Variants in GABRB3 observed in about 807,000 individuals in gnomAD.
GABRB3 encodes gamma-aminobutyric acid type A receptor subunit beta3, also known as gamma-aminobutyric acid receptor subunit beta-3.
Under a neutral mutation model 52.1 loss-of-function variants are expected in GABRB3, and 14 were observed. The ratio of observed to expected loss-of-function variants is 0.27; its 90% confidence interval spans 0.18 to 0.42. The LOEUF is 0.42. Ranked by LOEUF, GABRB3 falls within the 10% of genes least tolerant of loss-of-function variation. The probability of loss-of-function intolerance (pLI) is 1.00; values close to 1 mark genes in which losing one functional copy is unlikely to be tolerated. For synonymous variants in GABRB3, 260 were observed against 232.3 expected, an observed-to-expected ratio of 1.12 and a Z score of -1.08; for missense variants, 307 against 609.1, an observed-to-expected ratio of 0.50 and a Z score of 5.22.
chr15:26,720,298 C>T (rs980840626), intron 3 of GABRB3, among the ~76,000 whole-genome samples: 2 of 152,184 alleles, frequency 1.3e-5, no homozygotes, highest in African/African-American at 4.8e-5. Context: ...ATTGCTCACA[C>T]AAAGCCTGTT....
At chr15:26,762,579 C>T (rs1890849789) in intron 3 of GABRB3, among the ~76,000 whole-genome samples, 1 of 152,148 alleles carries the variant, frequency 6.6e-6, no homozygotes, top group African/African-American at 2.4e-5. Flanking sequence ...TTCACCCCCT[C>T]ATGAAGATTT....
intron 4 of GABRB3, chr15:26,612,682 C>G (rs992914243): frequency 1.3e-5 from 2 of 152,120 alleles, no homozygotes; most frequent in Non-Finnish European, 2.9e-5. Context: ...TTTGCTCTTG[C>G]CAAAGTAGTG....
intron 3 of GABRB3, among the ~76,000 whole-genome samples, chr15:26,723,087 T>C (rs1889685148): frequency 6.6e-6 from 1 of 152,162 alleles, no homozygotes; most frequent in African/African-American, 2.4e-5. Flanking sequence ...AGTTCTGCAA[T>C]CATGGTAAGC....
At chr15:26,746,398 G>A (rs1054169087) in intron 3 of GABRB3, among the ~76,000 whole-genome samples, 7 of 151,934 alleles carry the variant, frequency 4.6e-5, no homozygotes, top group Admixed American at 1.3e-4. Flanking sequence ...CTAAGTGTAC[G>A]GAGTCTTTAG....
intron 3 of GABRB3, among the ~76,000 whole-genome samples, chr15:26,676,502 A>T (rs1474898617): frequency 6.6e-6 from 1 of 152,192 alleles, no homozygotes; most frequent in Non-Finnish European, 1.5e-5. Context: ...GTACACACAT[A>T]TACACACACA....
Position 26,716,471 on chromosome 15 carries a change from A to G in GABRB3, c.240+55931T>C, listed in dbSNP as rs138361116. On this transcript the variant is annotated intron_variant, in intron 3 of 8. Coordinates refer to ENST00000311550, the MANE Select transcript of GABRB3 (RefSeq NM_000814.6). ...TATTTCACCATGCAGCACCTAACCC[A>G]TCTTCACAATTGCCATGAAGAAACG... is the stretch of plus-strand genomic sequence containing the variant. 5.1e-5 allele frequency: 22 copies of G among 434,140 alleles called. No individual in the cohort carries two copies. In the East Asian group the frequency reaches 2.7e-3, roughly 52 times the overall value. 26.9% of individuals were successfully genotyped at this position (434,140 alleles called of 1,614,324 possible).
At chr15:26,683,048 T>C (rs1346991406) in intron 3 of GABRB3, among the ~76,000 whole-genome samples, 1 of 152,108 alleles carries the variant, frequency 6.6e-6, no homozygotes, top group African/African-American at 2.4e-5. Flanking sequence ...GGGCCTGCAC[T>C]TCTTCCTCTG....
chr15:26,631,889 T>A (rs1181547555), intron 3 of GABRB3, among the ~76,000 whole-genome samples: 1 of 152,200 alleles, frequency 6.6e-6, no homozygotes, highest in Non-Finnish European at 1.5e-5. Flanking sequence ...AAGCATTGAT[T>A]ATCTACCATA....
At chr15:26,684,298 G>C (rs1195574997) in intron 3 of GABRB3, among the ~76,000 whole-genome samples, 1 of 152,148 alleles carries the variant, frequency 6.6e-6, no homozygotes, top group African/African-American at 2.4e-5. Flanking sequence ...ACCTATTCCT[G>C]GACGCAGGGT....
intron 3 of GABRB3, among the ~76,000 whole-genome samples, chr15:26,739,717 G>A (rs2140158957): frequency 6.6e-6 from 1 of 152,146 alleles, no homozygotes; most frequent in East Asian, 1.9e-4. Flanking sequence ...TATATTTGGG[G>A]GGATATATGT....
At chr15:26,679,532 T>C (rs1402768569) in intron 3 of GABRB3, among the ~76,000 whole-genome samples, 1 of 152,060 alleles carries the variant, frequency 6.6e-6, no homozygotes, top group Non-Finnish European at 1.5e-5. Flanking sequence ...ACTTTCAAGG[T>C]CAGGTTGACC....
At chr15:26,745,015 G>A (rs1233417013) in intron 3 of GABRB3, among the ~76,000 whole-genome samples, 1 of 152,158 alleles carries the variant, frequency 6.6e-6, no homozygotes, top group Non-Finnish European at 1.5e-5. Context: ...TTTACTCATG[G>A]TGGATGGTGA....
chr15:26,691,331 T>C (rs991571635), intron 3 of GABRB3, among the ~76,000 whole-genome samples: 33 of 152,160 alleles, frequency 2.2e-4, no homozygotes, highest in African/African-American at 7.5e-4. Context: ...ACCATCAAGA[T>C]GCAAAGACGG....
chr15:26,761,787 G>T (rs1274452315), intron 3 of GABRB3, among the ~76,000 whole-genome samples: 1 of 152,020 alleles, frequency 6.6e-6, no homozygotes, highest in Non-Finnish European at 1.5e-5. Context: ...TATTGTTGAC[G>T]CCTCTTGCAC....
intron 3 of GABRB3, among the ~76,000 whole-genome samples, chr15:26,768,628 A>G (rs1891060426): frequency 1.3e-5 from 2 of 152,192 alleles, no homozygotes; most frequent in African/African-American, 2.4e-5. Flanking sequence ...TTCAGCAGAC[A>G]GTGTTATTGG....
intron 4 of GABRB3, among the ~76,000 whole-genome samples, chr15:26,592,849 C>G (rs533805042): frequency 4.5e-4 from 69 of 152,190 alleles, no homozygotes; most frequent in Admixed American, 8.5e-4. Flanking sequence ...CCCATCTCTA[C>G]TAAAAATACA....
chr15:26,567,969 T>A (rs1360483552), intron 6 of GABRB3, among the ~76,000 whole-genome samples: 3 of 152,238 alleles, frequency 2.0e-5, no homozygotes, highest in Non-Finnish European at 4.4e-5. Flanking sequence ...GGCTAAACGC[T>A]CGGTTGAGAA....
chr15:26,765,270 T>G lies in GABRB3; in HGVS notation c.240+7132A>C, dbSNP rs142072639. On this transcript the variant is annotated intron_variant, in intron 3 of 8. Transcript: ENST00000311550. Reference sequence around the variant, plus strand: ...GAATATCCTCACCAGCGCTTACATATGCTAAATTTTGAGAGAAACTGCAAT... The same window carrying G: ...GAATATCCTCACCAGCGCTTACATAGGCTAAATTTTGAGAGAAACTGCAAT... 2.0e-3 allele frequency among the ~76,000 whole-genome samples: 301 copies of G among 152,240 alleles called. 1 individual carries two copies. Among genetic ancestry groups the G allele is most frequent in the African/African-American group, 6.4e-3 (264 of 41,524 alleles).
chr15:26,771,983 C>A (rs943049728), intron 3 of GABRB3: 1 of 171,376 alleles, frequency 5.8e-6, no homozygotes, highest in Admixed American at 6.4e-5. Context: ...CAAAGGAAAC[C>A]TTAAGTACCT....
Sources: allele counts gnomAD v4.1 joint callset (sites outside exome capture counted in the v4.1 genomes callset), GRCh38; gene constraint gnomAD v4.1.1; transcripts MANE v1.5; gene names NCBI Gene and HGNC (gene_info 2026-07-23, HGNC 2026-07-21).